The following NAA35 variants were observed in gnomAD, a reference collection of about 807,000 sequenced individuals.
NAA35 encodes the protein N-alpha-acetyltransferase 35, NatC auxiliary subunit.
Under a neutral mutation model 101.7 loss-of-function variants are expected in NAA35, and 18 were observed. That is an observed-to-expected ratio of 0.18 (90% CI 0.12 to 0.26). The LOEUF (loss-of-function observed/expected upper bound fraction) is 0.26, where lower values mean the gene tolerates loss of function less well. Among genes scored for constraint, NAA35 ranks in the 10% least tolerant of loss-of-function variants. The pLI is 1.00. For missense variants in NAA35, 601 were observed against 886.8 expected (o/e 0.68, Z 4.09); for synonymous variants, 267 against 273.1 (o/e 0.98, Z 0.22).
chr9:85,965,994 A>G (rs955261406), intron 6 of NAA35, among the ~76,000 whole-genome samples: 7 of 152,206 alleles, frequency 4.6e-5, no homozygotes, highest in Non-Finnish European at 8.8e-5. Context: ...GCTGGAGTGC[A>G]GCGGCATGAT....
chr9:85,977,477 GT>G (rs1468608288), intron 10 of NAA35, 31 bp downstream of exon 10: 1 of 1,497,022 alleles, frequency 6.7e-7, no homozygotes, highest in Non-Finnish European at 9.3e-7. Context: ...ATGTCTATTT[GT>G]TTTAGTGATT....
intron 22 of NAA35, among the ~76,000 whole-genome samples, chr9:86,021,543 C>T (rs1050684429): frequency 5.9e-5 from 9 of 152,026 alleles, no homozygotes; most frequent in African/African-American, 1.9e-4. Flanking sequence ...TACTGACTGA[C>T]TCTCATCTCA....
chr9:86,015,909 G>T, intron 17 of NAA35: 2 of 239,150 alleles, frequency 8.4e-6, no homozygotes, highest in Non-Finnish European at 1.4e-5. Flanking sequence ...TCAGTTATAT[G>T]GTATAAAAGG....
intron 21 of NAA35, among the ~76,000 whole-genome samples, 190 bp from the exon 22 acceptor site, chr9:86,020,699 T>C (rs919422141): frequency 6.6e-6 from 1 of 152,110 alleles, no homozygotes; most frequent in East Asian, 1.9e-4. Flanking sequence ...AAAAATGAGC[T>C]GGGTGTGGTG....
At position 85,956,383 on chromosome 9, in the gene NAA35, C is replaced by A; in HGVS notation, c.148C>A (p.His50Asn). ...CRELKLGELL[H>N]DKLFGLFEAM... Reference sequence around the variant, plus strand: ...AGAATTAAAGTTGGGAGAACTACTTCATGATAAGCTGTAAGTATTTATCCT... The same window carrying A: ...AGAATTAAAGTTGGGAGAACTACTTAATGATAAGCTGTAAGTATTTATCCT... Residue 50 changes from histidine (H) to asparagine (N), a missense_variant, in exon 3 of 23, where the codon CAT becomes AAT. Coordinates refer to ENST00000361671, the MANE Select transcript of NAA35 (RefSeq NM_024635.4). The A allele has an allele frequency of 7.1e-7, 1 of 1,398,928 alleles. No homozygotes were observed. Among genetic ancestry groups the A allele is most frequent in the Non-Finnish European group, 9.7e-7 (1 of 1,032,414 alleles). 86.7% of individuals were successfully genotyped at this position (1,398,928 alleles called of 1,614,324 possible). A position where few individuals can be genotyped will look rare whatever the true frequency, so the allele number is the denominator to read the frequency against.
At chr9:86,015,546 G>T in intron 17 of NAA35, 1 of 190,142 alleles carries the variant, frequency 5.3e-6, no homozygotes, top group Non-Finnish European at 9.7e-6. Flanking sequence ...TAGAATTCCT[G>T]ACCTGTTAGG....
intron 11 of NAA35, 116 bp downstream of exon 11, chr9:85,978,497 C>A: frequency 1.5e-6 from 1 of 665,978 alleles, no homozygotes. Context: ...ATGTTTTAAT[C>A]CAGAGACTTA....
intron 19 of NAA35, among the ~76,000 whole-genome samples, 170 bp downstream of exon 19, chr9:86,017,735 A>G (rs1043140052): frequency 6.6e-6 from 1 of 152,192 alleles, no homozygotes; most frequent in South Asian, 2.1e-4. Context: ...CAACCATTTG[A>G]ACCCTTGCTT....
chr9:86,023,216 C>G lies in NAA35; in HGVS notation c.*1256C>G, dbSNP rs1053596123. Among the ~76,000 whole-genome samples the G allele has an allele frequency of 6.6e-6, 1 of 151,986 alleles. No individual in the cohort carries two copies. ...TATTCAAGAACAGCCATTAGGTGTCCTGAAATTTCAGAACCGAAAAATCTT... is the reference window on the plus strand; with the variant it reads ...TATTCAAGAACAGCCATTAGGTGTCGTGAAATTTCAGAACCGAAAAATCTT... On this transcript the variant is annotated 3_prime_UTR_variant, in exon 23 of 23. Coordinates refer to ENST00000361671, the MANE Select transcript of NAA35 (RefSeq NM_024635.4).
intron 1 of NAA35, chr9:85,941,929 G>C: frequency 8.1e-7 from 1 of 1,228,154 alleles, no homozygotes. Context: ...AATGTTTATG[G>C]GCCCTGGTAG....
rs1039344756 is a variant in NAA35, at chr9:86,022,313, T to C, written c.*353T>C. Reference sequence around the variant, plus strand: ...CAAAAAAAAAATGCACTGCTGGAGATGAAAAACAGTAGGTCTTTGTCCATG... The same window carrying C: ...CAAAAAAAAAATGCACTGCTGGAGACGAAAAACAGTAGGTCTTTGTCCATG... On this transcript the variant is annotated 3_prime_UTR_variant, in exon 23 of 23. Transcript: ENST00000361671. The C allele has an allele frequency of 5.9e-5, 10 of 170,940 alleles. No homozygotes were observed. The highest frequency in any genetic ancestry group is 1.9e-4 in the Admixed American group (3 of 15,920). 10.6% of individuals were successfully genotyped at this position (170,940 alleles called of 1,614,324 possible). A position where few individuals can be genotyped will look rare whatever the true frequency, so the allele number is the denominator to read the frequency against.
At chr9:85,949,934 A>G (rs911164878) in intron 2 of NAA35, among the ~76,000 whole-genome samples, 6 of 152,206 alleles carry the variant, frequency 3.9e-5, no homozygotes, top group African/African-American at 1.4e-4. Flanking sequence ...TGGTAATACT[A>G]AAAAGGTACT....
intron 16 of NAA35, 87 bp from the exon 17 acceptor site, chr9:86,013,632 T>C (rs556880290): frequency 7.9e-7 from 1 of 1,261,530 alleles, no homozygotes; most frequent in Non-Finnish European, 1.1e-6. Flanking sequence ...TCTGCTCATA[T>C]TCTTTTTAGC....
At chr9:85,996,082 G>A (rs1831142407) in intron 11 of NAA35, among the ~76,000 whole-genome samples, 1 of 151,894 alleles carries the variant, frequency 6.6e-6, no homozygotes, top group Non-Finnish European at 1.5e-5. Flanking sequence ...CCTCTGTTTT[G>A]AAAGAATATA....
At chr9:85,973,180 T>G (rs1830067221) in intron 6 of NAA35, among the ~76,000 whole-genome samples, 1 of 152,198 alleles carries the variant, frequency 6.6e-6, no homozygotes, top group South Asian at 2.1e-4. Flanking sequence ...CCTGTCAGAC[T>G]GCAGTGCAGT....
chr9:86,010,277 GC>G (rs1467326781), intron 15 of NAA35, among the ~76,000 whole-genome samples: 1 of 151,754 alleles, frequency 6.6e-6, no homozygotes, highest in Non-Finnish European at 1.5e-5. Context: ...ATAATAAATT[GC>G]TGGACTGCAA....
chr9:85,996,710 G>T (rs1463869259), intron 12 of NAA35, 133 bp downstream of exon 12: 12 of 584,740 alleles, frequency 2.1e-5, no homozygotes, highest in Non-Finnish European at 3.1e-5. Context: ...TTGACCAAGG[G>T]TAAATACTAC....
intron 13 of NAA35, among the ~76,000 whole-genome samples, chr9:86,005,437 G>T (rs1471434211): frequency 1.3e-5 from 2 of 152,202 alleles, no homozygotes; most frequent in East Asian, 3.8e-4. Context: ...AGAAGGCAAA[G>T]ATGCCCACTT....
At chr9:85,956,618 T>C (rs1347519891) in intron 3 of NAA35, among the ~76,000 whole-genome samples, 1 of 152,214 alleles carries the variant, frequency 6.6e-6, no homozygotes, top group Non-Finnish European at 1.5e-5. Flanking sequence ...CTTATGGTCC[T>C]TTCCTTGAGA....
Sources: allele counts gnomAD v4.1 joint callset (sites outside exome capture counted in the v4.1 genomes callset), GRCh38; gene constraint gnomAD v4.1.1; transcripts MANE v1.5; gene names NCBI Gene and HGNC (gene_info 2026-07-23, HGNC 2026-07-21).